The following LRP6 variants were observed in gnomAD, a reference collection of about 807,000 sequenced individuals.
LRP6 encodes LDL receptor related protein 6.
Under a neutral mutation model 184.1 loss-of-function variants are expected in LRP6, and 43 were observed. The observed-to-expected ratio is 0.23, with a 90% CI of 0.18 to 0.30. LRP6 has a LOEUF of 0.30. Among genes scored for constraint, LRP6 ranks in the 10% least tolerant of loss-of-function variants. The pLI is 1.00. For missense variants in LRP6, 1,571 were observed against 2,005.3 expected (o/e 0.78, Z 4.14); for synonymous variants, 719 against 684.9 (o/e 1.05, Z -0.78).
chr12:12,121,009 T>TA lies in LRP6; in HGVS notation c.*116dup. On this transcript the variant is annotated 3_prime_UTR_variant, in exon 23 of 23. Coordinates refer to ENST00000261349, the MANE Select transcript of LRP6 (RefSeq NM_002336.3). ...TATTCCCTACCCCATTTTATAATTT[T>TA]AACTGTACATGGTCTGCCTCATCCT... is the stretch of plus-strand genomic sequence containing the variant. 2 of 794,040 alleles carry TA rather than the reference T, an allele frequency of 2.5e-6. No homozygotes were observed. Among genetic ancestry groups the TA allele is most frequent in the Non-Finnish European group, 3.9e-6 (2 of 519,200 alleles). 49.2% of individuals were successfully genotyped at this position (794,040 alleles called of 1,614,324 possible).
intron 1 of LRP6, among the ~76,000 whole-genome samples, chr12:12,261,138 T>C (rs1220058170): frequency 3.3e-5 from 5 of 152,098 alleles, no homozygotes; most frequent in Admixed American, 3.3e-4. Context: ...AATTGAATCA[T>C]GGCCGGGCGC....
chr12:12,214,383 A>G (rs1164316309), intron 2 of LRP6, among the ~76,000 whole-genome samples: 1 of 152,220 alleles, frequency 6.6e-6, no homozygotes, highest in African/African-American at 2.4e-5. Context: ...CTTCCTTTTC[A>G]TAACAGGTGA....
At chr12:12,252,190 C>CT (rs111898800) in intron 1 of LRP6, among the ~76,000 whole-genome samples, 48 of 147,924 alleles carry the variant, frequency 3.2e-4, no homozygotes, top group African/African-American at 4.9e-4. Flanking sequence ...GAACTAAAAT[C>CT]TTTTTTTTTT....
chr12:12,130,109 T>C (rs12306293), intron 19 of LRP6, among the ~76,000 whole-genome samples: 11,409 of 152,252 alleles, frequency 0.075, 512 homozygotes, highest in Admixed American at 0.11. Context: ...GATGAAGACC[T>C]GTAATTCCAG....
At chr12:12,214,196 T>C (rs527531501) in intron 2 of LRP6, among the ~76,000 whole-genome samples, 2 of 152,270 alleles carry the variant, frequency 1.3e-5, no homozygotes, top group East Asian at 3.9e-4. Context: ...TAAAAGAATA[T>C]TTATTGGATG....
At chr12:12,141,327 G>T (rs1185387519) in intron 15 of LRP6, among the ~76,000 whole-genome samples, 2 of 152,138 alleles carry the variant, frequency 1.3e-5, no homozygotes, top group East Asian at 3.9e-4. Flanking sequence ...GAAAAGGACA[G>T]CATACAAAGA....
intron 12 of LRP6, among the ~76,000 whole-genome samples, chr12:12,153,822 C>T (rs745893982): frequency 5.3e-5 from 8 of 152,076 alleles, no homozygotes; most frequent in Non-Finnish European, 8.8e-5. Context: ...ATGAGATGTA[C>T]GTAGGAGGGA....
chr12:12,161,414 CATG>C (rs1161579920), intron 10 of LRP6, among the ~76,000 whole-genome samples: 1 of 152,096 alleles, frequency 6.6e-6, no homozygotes, highest in African/African-American at 2.4e-5. Flanking sequence ...ACTACAGACA[CATG>C]CCACCATGCC....
chr12:12,194,306 A>G (rs1863695769), intron 3 of LRP6, among the ~76,000 whole-genome samples: 1 of 152,042 alleles, frequency 6.6e-6, no homozygotes, highest in African/African-American at 2.4e-5. Flanking sequence ...CAAAACAAAC[A>G]TATAGCTTAA....
intron 12 of LRP6, among the ~76,000 whole-genome samples, chr12:12,152,691 G>C (rs1950098772): frequency 6.6e-6 from 1 of 152,030 alleles, no homozygotes; most frequent in Non-Finnish European, 1.5e-5. Context: ...TATTTTCTTA[G>C]TGCTTAGACA....
chr12:12,231,752 T>C (rs1444109997), intron 2 of LRP6, among the ~76,000 whole-genome samples: 1 of 151,864 alleles, frequency 6.6e-6, no homozygotes, highest in African/African-American at 2.4e-5. Context: ...CAGTGGCTCA[T>C]GCCTGTAAGC....
chr12:12,155,446 A>T (rs1316299141), intron 12 of LRP6: 3 of 958,338 alleles, frequency 3.1e-6, no homozygotes, highest in Non-Finnish European at 5.0e-6. Context: ...GCAAAACTGG[A>T]AGGGTCTACA....
intron 2 of LRP6, among the ~76,000 whole-genome samples, chr12:12,219,676 AC>A (rs1864436690): frequency 6.6e-6 from 1 of 152,210 alleles, no homozygotes; most frequent in Admixed American, 6.5e-5. Flanking sequence ...GGAGGGGGCT[AC>A]CCAGCTTTAT....
chr12:12,162,564 G>A, intron 9 of LRP6, 145 bp from the exon 10 acceptor site: 1 of 694,296 alleles, frequency 1.4e-6, no homozygotes, highest in Non-Finnish European at 2.6e-6. Flanking sequence ...CACATAACTT[G>A]CAAGCACAGA....
At chr12:12,174,977 A>G (rs147304094) in intron 7 of LRP6, among the ~76,000 whole-genome samples, 6 of 152,226 alleles carry the variant, frequency 3.9e-5, no homozygotes, top group Non-Finnish European at 7.3e-5. Context: ...GCAAATACAC[A>G]TGTTCTTACA....
At chr12:12,257,846 A>G (rs117996889) in intron 1 of LRP6, among the ~76,000 whole-genome samples, 2,037 of 146,236 alleles carry the variant, frequency 0.014, 29 homozygotes, top group Middle Eastern at 0.036. Context: ...ACGTGCCTAT[A>G]GTCCCAGCTA....
intron 1 of LRP6, among the ~76,000 whole-genome samples, chr12:12,260,377 C>CAA (rs34452498): frequency 7.7e-6 from 1 of 129,722 alleles, no homozygotes; most frequent in South Asian, 2.4e-4. Flanking sequence ...GACTCCGTCT[C>CAA]AAAAAAAAAA....
At position 12,155,683 on chromosome 12, in the gene LRP6, C is replaced by G; in HGVS notation, c.2791+3146G>C. 3 of 948,868 alleles carry G rather than the reference C, an allele frequency of 3.2e-6. No homozygotes were observed. In the South Asian group the frequency reaches 3.9e-5, roughly 12 times the overall value. The allele number at this position is 948,868 out of a possible 1,614,324, so 58.8% of individuals were successfully genotyped here. On this transcript the variant is annotated intron_variant, in intron 12 of 22. Transcript: ENST00000261349. ...TACCTGGGTTCAACTGAAGCGCCAG[C>G]CTGCTCCACCCAGAGAAGCATATTT...
chr12:12,219,428 C>T (rs1013750990), intron 2 of LRP6, among the ~76,000 whole-genome samples: 2 of 152,108 alleles, frequency 1.3e-5, no homozygotes, highest in Admixed American at 1.3e-4. Flanking sequence ...TGGTATCGGT[C>T]TCTTGACCTT....
Sources: allele counts gnomAD v4.1 joint callset (sites outside exome capture counted in the v4.1 genomes callset), GRCh38; gene constraint gnomAD v4.1.1; transcripts MANE v1.5; gene names NCBI Gene and HGNC (gene_info 2026-07-23, HGNC 2026-07-21).